APBB1IP: variants seen among roughly 807,000 people sequenced by gnomAD.
The protein encoded by APBB1IP is amyloid beta precursor protein binding family B member 1 interacting protein, also known as amyloid beta A4 precursor protein-binding family B member 1-interacting protein.
APBB1IP carries 27 observed loss-of-function variants against 64.9 expected under a neutral mutation model. The observed-to-expected ratio is 0.42, with a 90% confidence interval of 0.31 to 0.57. The LOEUF (loss-of-function observed/expected upper bound fraction) is 0.57. Ranked by LOEUF, APBB1IP falls within the 20% of genes least tolerant of loss-of-function variation. APBB1IP has a pLI of 0.20. For missense variants in APBB1IP, 812 were observed against 845.5 expected (o/e 0.96, Z 0.49); for synonymous variants, 392 against 331.0 (o/e 1.18, Z -2.00).
At chr10:26,536,618 G>C (rs1323585783) in intron 10 of APBB1IP, among the ~76,000 whole-genome samples, 1 of 142,770 alleles carries the variant, frequency 7.0e-6, no homozygotes, top group Non-Finnish European at 1.5e-5. Context: ...TTTTGAGATA[G>C]TCTCACTCTA....
chr10:26,531,272 G>A (rs1485815386), intron 8 of APBB1IP, among the ~76,000 whole-genome samples: 1 of 152,128 alleles, frequency 6.6e-6, no homozygotes, highest in African/African-American at 2.4e-5. Context: ...GGAGGCAGAG[G>A]TTTCAGTGAG....
chr10:26,541,688 T>C lies in APBB1IP; in HGVS notation c.1151T>C (p.Leu384Ser). The C allele has an allele frequency of 6.3e-7, 1 of 1,592,416 alleles. No homozygotes were observed. The highest frequency in any genetic ancestry group is 8.6e-7 in the Non-Finnish European group (1 of 1,165,700). Reference sequence around the variant, plus strand: ...GCGCCCACTGACTATTGCTTTGTTTTAAAGGTATGTTATAAGAAGTCATTC... The same window carrying C: ...GCGCCCACTGACTATTGCTTTGTTTCAAAGGTATGTTATAAGAAGTCATTC... Reference protein sequence around the residue: ...YKAPTDYCFVLKHPQIQKESQ... With the variant: ...YKAPTDYCFVSKHPQIQKESQ... The change falls in exon 11 of 15, where the codon TTA becomes TCA. Residue 384 changes from leucine to serine, a missense_variant. Leu to Ser is a moderately radical substitution (Grantham distance 145). Coordinates refer to ENST00000376236, the MANE Select transcript of APBB1IP (RefSeq NM_019043.4).
intron 2 of APBB1IP, among the ~76,000 whole-genome samples, chr10:26,471,109 T>C (rs1835710593): frequency 6.6e-6 from 1 of 152,004 alleles, no homozygotes; most frequent in Non-Finnish European, 1.5e-5. Flanking sequence ...ACTAAAGCAC[T>C]GAGAGGTTAA....
intron 3 of APBB1IP, among the ~76,000 whole-genome samples, chr10:26,493,851 T>C (rs936247542): frequency 6.6e-6 from 1 of 152,188 alleles, no homozygotes; most frequent in Admixed American, 6.5e-5. Flanking sequence ...TGGGGTTTTC[T>C]TGAGAGACAG....
intron 2 of APBB1IP, among the ~76,000 whole-genome samples, chr10:26,453,012 C>A (rs1349399266): frequency 6.6e-6 from 1 of 152,154 alleles, no homozygotes; most frequent in African/African-American, 2.4e-5. Context: ...TTAATACTAG[C>A]TAGCATATAT....
intron 2 of APBB1IP, among the ~76,000 whole-genome samples, chr10:26,449,834 A>T (rs1386954334): frequency 6.6e-6 from 1 of 152,012 alleles, no homozygotes; most frequent in Admixed American, 6.6e-5. Flanking sequence ...ATACAATGAG[A>T]CCCTGTCTCT....
At chr10:26,439,210 C>G (rs993558790) in intron 2 of APBB1IP, among the ~76,000 whole-genome samples, 1 of 152,088 alleles carries the variant, frequency 6.6e-6, no homozygotes, top group Non-Finnish European at 1.5e-5. Flanking sequence ...GTCAGCAGGT[C>G]AGCAGGTCAG....
intron 2 of APBB1IP, among the ~76,000 whole-genome samples, chr10:26,451,864 A>G (rs977431896): frequency 2.6e-5 from 4 of 152,350 alleles, no homozygotes; most frequent in Admixed American, 1.3e-4. Context: ...GACTTCCTAT[A>G]TAAGAGTAGA....
In APBB1IP at chr10:26,567,562, C is replaced by T. The variant is rs1272024983; in HGVS notation, c.*74C>T. The T allele has an allele frequency of 4.7e-6, 7 of 1,487,142 alleles. No homozygotes were observed. The highest frequency in any genetic ancestry group is 6.4e-6 in the Non-Finnish European group (7 of 1,100,012). 92.1% of individuals were successfully genotyped at this position (1,487,142 alleles called of 1,614,324 possible). On this transcript the variant is annotated 3_prime_UTR_variant, in exon 15 of 15. Transcript: ENST00000376236. ...GCGCAGGTTTTGCTAGCAGATTGCC[C>T]TGACATCTTGTTCATTTCAGATAAA... is the stretch of plus-strand genomic sequence containing the variant.
chr10:26,539,661 C>A (rs563739011), intron 10 of APBB1IP, among the ~76,000 whole-genome samples: 2 of 152,010 alleles, frequency 1.3e-5, no homozygotes, highest in Admixed American at 1.3e-4. Flanking sequence ...CCAAAGATAA[C>A]AAACAAGAAG....
intron 8 of APBB1IP, among the ~76,000 whole-genome samples, chr10:26,533,229 A>T (rs1034581498): frequency 7.2e-5 from 11 of 152,184 alleles, no homozygotes; most frequent in African/African-American, 2.7e-4. Flanking sequence ...GATTGTGTAC[A>T]CTATGGGAGG....
intron 14 of APBB1IP, among the ~76,000 whole-genome samples, chr10:26,563,678 TCACCCAGCTAGGA>T (rs1837003421): frequency 6.6e-6 from 1 of 152,202 alleles, no homozygotes; most frequent in South Asian, 2.1e-4. Flanking sequence ...CAATAGCATA[TCACCCAGCTAGGA>T]CAGGCAGGGT....
intron 2 of APBB1IP, among the ~76,000 whole-genome samples, chr10:26,449,764 C>G (rs1336760899): frequency 1.3e-5 from 2 of 152,158 alleles, no homozygotes; most frequent in Non-Finnish European, 2.9e-5. Flanking sequence ...AAACGCAACT[C>G]TTTGGGAGGC....
At chr10:26,494,032 C>T (rs1485933750) in intron 3 of APBB1IP, among the ~76,000 whole-genome samples, 2 of 152,148 alleles carry the variant, frequency 1.3e-5, no homozygotes, top group Admixed American at 1.3e-4. Context: ...GAGACGAGAT[C>T]TCACTATGTT....
chr10:26,562,532 G>A (rs1836986961), intron 14 of APBB1IP, 103 bp downstream of exon 14: 5 of 932,750 alleles, frequency 5.4e-6, no homozygotes, highest in African/African-American at 3.3e-5. Flanking sequence ...GAGTGCAGTA[G>A]CTCACACCTG....
chr10:26,475,226 G>A (rs1370981266), intron 2 of APBB1IP, among the ~76,000 whole-genome samples: 3 of 151,328 alleles, frequency 2.0e-5, no homozygotes, highest in African/African-American at 4.9e-5. Context: ...AGGTTCAAGC[G>A]ATTCTCCTGC....
At chr10:26,458,824 G>A (rs956304416) in intron 2 of APBB1IP, among the ~76,000 whole-genome samples, 31 of 151,966 alleles carry the variant, frequency 2.0e-4, no homozygotes, top group Non-Finnish European at 1.6e-4. Context: ...TTACTGTTCT[G>A]TTTTAATTAT....
At chr10:26,447,878 C>T (rs1336583221) in intron 2 of APBB1IP, among the ~76,000 whole-genome samples, 1 of 152,008 alleles carries the variant, frequency 6.6e-6, no homozygotes, top group South Asian at 2.1e-4. Context: ...TCAAGCAATC[C>T]TTCCACCTCG....
intron 11 of APBB1IP, among the ~76,000 whole-genome samples, chr10:26,550,000 T>A (rs552502658): frequency 6.6e-6 from 1 of 152,172 alleles, no homozygotes; most frequent in East Asian, 1.9e-4. Context: ...TTCTGAAGAA[T>A]AGCTTTTCTG....
Sources: allele counts gnomAD v4.1 joint callset (sites outside exome capture counted in the v4.1 genomes callset), GRCh38; gene constraint gnomAD v4.1.1; transcripts MANE v1.5; gene names NCBI Gene and HGNC (gene_info 2026-07-23, HGNC 2026-07-21).